The following MORC4 variants were observed in gnomAD, a reference collection of about 807,000 sequenced individuals.
MORC4 encodes MORC family CW-type zinc finger 4, also known as MORC family CW-type zinc finger protein 4.
In MORC4, 22 loss-of-function variants were observed where a neutral mutation model predicts 65.5. The ratio of observed to expected loss-of-function variants is 0.34; its 90% confidence interval spans 0.24 to 0.48. The LOEUF (loss-of-function observed/expected upper bound fraction) is 0.48, where lower values mean the gene tolerates loss of function less well. MORC4 is among the 20% of genes least tolerant of loss of function. MORC4 has a pLI of 0.99. For synonymous variants in MORC4, 267 were observed against 255.8 expected (o/e 1.04, Z -0.42); for missense variants, 624 against 703.0 (o/e 0.89, Z 1.27).
chrX:106,956,206 T>C (rs1442518117), intron 13 of MORC4, among the ~76,000 whole-genome samples: 2 of 111,726 alleles, frequency 1.8e-5, no homozygotes, highest in Non-Finnish European at 3.8e-5. Context: ...CAACCCTGAA[T>C]ATTCTGTGAC....
intron 9 of MORC4, among the ~76,000 whole-genome samples, chrX:106,969,560 C>T (rs772511335): frequency 9.0e-5 from 10 of 111,220 alleles, no homozygotes; most frequent in South Asian, 7.6e-4. Context: ...AAAAGAGCAA[C>T]GAAATAGACA....
At chrX:106,957,570 A>G (rs1425768882) in intron 11 of MORC4, among the ~76,000 whole-genome samples, 1 of 111,990 alleles carries the variant, frequency 8.9e-6, no homozygotes, top group Admixed American at 9.5e-5. Flanking sequence ...TAAGAAAGTC[A>G]CAGCTGAATT....
chrX:106,968,642 CAAAAAAAAAA>C (rs1194053588), intron 9 of MORC4, among the ~76,000 whole-genome samples: 4 of 17,973 alleles, frequency 2.2e-4, no homozygotes, highest in Non-Finnish European at 3.9e-4. Flanking sequence ...AAATGGAAAG[CAAAAAAAAAA>C]AAAAAAAAAA....
chrX:106,993,184 G>C, intron 3 of MORC4, 46 bp downstream of exon 3: 1 of 1,153,647 alleles, frequency 8.7e-7, no homozygotes, highest in Non-Finnish European at 1.2e-6. Flanking sequence ...CCTTAAATAG[G>C]GTTCATGAGC....
At chrX:106,984,351 A>G (rs778391087) in intron 5 of MORC4, among the ~76,000 whole-genome samples, 62 of 110,784 alleles carry the variant, frequency 5.6e-4, no homozygotes, top group Middle Eastern at 4.7e-3. Flanking sequence ...AGAATATGCT[A>G]AACTGTCTTA....
intron 9 of MORC4, among the ~76,000 whole-genome samples, chrX:106,969,035 C>A (rs1453548781): frequency 8.9e-6 from 1 of 112,009 alleles, no homozygotes; most frequent in African/African-American, 3.2e-5. Context: ...AATATACATT[C>A]TTCTCAGTAC....
At chrX:106,972,704 C>T (rs1299495836) in intron 9 of MORC4, among the ~76,000 whole-genome samples, 3 of 111,576 alleles carry the variant, frequency 2.7e-5, no homozygotes, top group East Asian at 2.8e-4. Context: ...TTTGGGAGAC[C>T]GAGGCAGGCA....
intron 9 of MORC4, among the ~76,000 whole-genome samples, chrX:106,967,356 G>T (rs1486015158): frequency 8.9e-6 from 1 of 112,015 alleles, no homozygotes; most frequent in Non-Finnish European, 1.9e-5. Context: ...ACAAAGATGG[G>T]GAGAAACCAG....
rs1047010299 is a variant in MORC4 at position 106,958,351 on chromosome X, G to A, written c.1370C>T (p.Ser457Phe). Residue 457 changes from serine (S) to phenylalanine (F), a missense_variant, in exon 11 of 17, where the codon TCC becomes TTC. Ser to Phe is a radical substitution (Grantham distance 155). Transcript: ENST00000355610. ...GGAACCTTACCTGTACTTTGGATGG[G>A]AATTATAATAACAAAACCATCTTGC... Reference protein sequence around the residue: ...LPARWFCYYNSHPKYRRCSVP... With the variant: ...LPARWFCYYNFHPKYRRCSVP... 1.7e-6 allele frequency: 2 copies of A among 1,205,335 alleles called. No individual in the cohort carries two copies.
At position 106,984,122 on chromosome X, in the gene MORC4, A is replaced by G. The variant is rs554252820; in HGVS notation, c.674+974T>C. ...CAACATGGCAAAACCCCGTCTCTAGAAAAAAATATAAAAATTAGCCAGACA... is the reference window on the plus strand; with the variant it reads ...CAACATGGCAAAACCCCGTCTCTAGGAAAAAATATAAAAATTAGCCAGACA... On this transcript the variant is annotated intron_variant, in intron 5 of 16. Transcript: ENST00000355610. 1.8e-5 allele frequency among the ~76,000 whole-genome samples: 2 copies of G among 110,041 alleles called. 1 individual carries two copies. The highest frequency in any genetic ancestry group is 7.9e-4 in the South Asian group (2 of 2,527).
chrX:106,994,484 A>G (rs1935040743), intron 2 of MORC4, among the ~76,000 whole-genome samples: 1 of 112,171 alleles, frequency 8.9e-6, no homozygotes, highest in South Asian at 3.7e-4. Flanking sequence ...ATTACTACTG[A>G]TCAAATTATA....
intron 13 of MORC4, 144 bp from the exon 14 acceptor site, chrX:106,955,232 T>G: frequency 2.2e-6 from 1 of 457,265 alleles, no homozygotes; most frequent in East Asian, 3.8e-5. Flanking sequence ...TGTGCAGTAA[T>G]GTACACTAGA....
At chrX:106,980,092 C>T (rs1569305577) in intron 7 of MORC4, among the ~76,000 whole-genome samples, 9 of 110,196 alleles carry the variant, frequency 8.2e-5, no homozygotes, top group Admixed American at 6.8e-4. Flanking sequence ...AAGAGTGGTG[C>T]TTAGTTACTA....
rs776870116 is a variant in MORC4, at chrX:106,958,326, G to A, written c.1385+10C>T. The A allele has an allele frequency of 1.1e-5, 13 of 1,195,823 alleles. No homozygotes were observed. Among genetic ancestry groups the A allele is most frequent in the African/African-American group, 1.8e-5 (1 of 56,718 alleles). ...TACCTTGAGCATAAGATTGAGTCCT[G>A]GAACCTTACCTGTACTTTGGATGGG... On this transcript the variant is annotated intron_variant, in intron 11 of 16. Transcript: ENST00000355610.
At chrX:106,982,702 C>T (rs183742043) in intron 5 of MORC4, among the ~76,000 whole-genome samples, 235 of 111,932 alleles carry the variant, frequency 2.1e-3, no homozygotes, top group African/African-American at 7.2e-3. Context: ...TGGGCTCAAG[C>T]GATTCTCCCA....
At chrX:106,968,529 TAA>T (rs1261180303) in intron 9 of MORC4, among the ~76,000 whole-genome samples, 1 of 103,874 alleles carries the variant, frequency 9.6e-6, no homozygotes, top group South Asian at 4.3e-4. Flanking sequence ...GCAAACTGGA[TAA>T]AGAGTCAAGA....
chrX:106,978,017 A>G, intron 8 of MORC4, 63 bp downstream of exon 8: 1 of 1,174,092 alleles, frequency 8.5e-7, no homozygotes, highest in Non-Finnish European at 1.2e-6. Context: ...TCCCCTTTGC[A>G]AATTTTAAAT....
intron 9 of MORC4, among the ~76,000 whole-genome samples, chrX:106,968,073 C>T (rs1040152189): frequency 9.0e-5 from 10 of 111,718 alleles, no homozygotes; most frequent in Non-Finnish European, 1.5e-4. Context: ...AGAGAAAGGG[C>T]GGGATACCCA....
In MORC4 at chrX:106,986,345, T is replaced by G. The variant is rs1472429967; in HGVS notation, c.309-145A>C. ...CTTCCTTTTTTATTCCTTTTGGTAT[T>G]TATGGGCAAAACTATTAAGTTAAAA... On this transcript the variant is annotated intron_variant, in intron 3 of 16. Coordinates refer to ENST00000355610, the MANE Select transcript of MORC4 (RefSeq NM_024657.5). 3 of 461,824 alleles carry G rather than the reference T, an allele frequency of 6.5e-6. No individual in the cohort carries two copies. The African/African-American group carries it at 7.3e-5, about 11-fold the overall frequency. The allele number at this position is 461,824 out of a possible 1,213,427, so 38.1% of individuals were successfully genotyped here.
Sources: allele counts gnomAD v4.1 joint callset (sites outside exome capture counted in the v4.1 genomes callset), GRCh38; gene constraint gnomAD v4.1.1; transcripts MANE v1.5; gene names NCBI Gene and HGNC (gene_info 2026-07-23, HGNC 2026-07-21).